The following NDE1 variants were observed in gnomAD, a reference collection of about 807,000 sequenced individuals.
NDE1 encodes the protein nuclear distribution protein nudE homolog 1.
A neutral mutation model predicts 43.4 loss-of-function variants in NDE1; 28 were observed. That is an observed-to-expected ratio of 0.65 (90% CI 0.48 to 0.89). NDE1 has a LOEUF of 0.89. NDE1 is among the 40% of genes least tolerant of loss of function. NDE1 has a pLI of 0.00. For synonymous variants in NDE1, 184 were observed against 172.0 expected (o/e 1.07, Z -0.55); for missense variants, 441 against 434.1 (o/e 1.02, Z -0.14).
At chr16:15,695,914 A>G (rs919151498) in intron 7 of NDE1, 4 of 157,924 alleles carry the variant, frequency 2.5e-5, no homozygotes, top group African/African-American at 9.6e-5. Flanking sequence ...GCAGAGGTTT[A>G]ACAAGGTAAA....
intron 3 of NDE1, 102 bp downstream of exon 3, chr16:15,667,541 C>G: frequency 7.1e-7 from 1 of 1,405,834 alleles, no homozygotes; most frequent in Non-Finnish European, 9.8e-7. Flanking sequence ...GGACTCCAGA[C>G]CCCAGGCCCA....
chr16:15,655,410 G>T (rs2036710756), intron 1 of NDE1, among the ~76,000 whole-genome samples: 1 of 152,210 alleles, frequency 6.6e-6, no homozygotes, highest in African/African-American at 2.4e-5. Context: ...CTGCCAAAGT[G>T]CTGGGATTAC....
intron 5 of NDE1, among the ~76,000 whole-genome samples, chr16:15,689,175 T>G (rs990733805): frequency 1.3e-5 from 2 of 152,154 alleles, no homozygotes; most frequent in Non-Finnish European, 1.5e-5. Context: ...AAATGAACAG[T>G]AGATAGAAAT....
At chr16:15,708,737 G>T (rs1187012610) in intron 8 of NDE1, 31 of 1,514,314 alleles carry the variant, frequency 2.0e-5, no homozygotes, top group Non-Finnish European at 2.6e-5. Flanking sequence ...GGGCAGAGGG[G>T]CGCATTGGGC....
intron 5 of NDE1, among the ~76,000 whole-genome samples, chr16:15,690,350 T>C (rs1567652172): frequency 1.8e-5 from 2 of 109,188 alleles, no homozygotes; most frequent in East Asian, 2.7e-4. Flanking sequence ...TTTTTTTTTT[T>C]TTCTTTTTTT....
chr16:15,675,975 G>A (rs939529068), intron 3 of NDE1, among the ~76,000 whole-genome samples: 2 of 152,094 alleles, frequency 1.3e-5, no homozygotes, highest in African/African-American at 4.8e-5. Flanking sequence ...CAACATAGGT[G>A]GTGTACTTAG....
upstream of NDE1, among the ~76,000 whole-genome samples, chr16:15,645,762 A>G (rs756217247): frequency 1.3e-5 from 2 of 152,242 alleles, no homozygotes; most frequent in South Asian, 2.1e-4. Flanking sequence ...TAGTCTTCAC[A>G]TGTATGAAAA....
chr16:15,708,925 A>G (rs1448914001), intron 8 of NDE1: 1 of 1,325,050 alleles, frequency 7.5e-7, no homozygotes, highest in African/African-American at 1.5e-5. Context: ...TGTTAAAGAC[A>G]TTTGCTTCGA....
chr16:15,688,589 C>T (rs908317596), intron 5 of NDE1, among the ~76,000 whole-genome samples: 2 of 134,124 alleles, frequency 1.5e-5, no homozygotes, highest in African/African-American at 5.7e-5. Context: ...GCCAAAATTA[C>T]ACCATTGCAC....
At chr16:15,655,438 C>T (rs1378552731) in intron 1 of NDE1, among the ~76,000 whole-genome samples, 1 of 152,180 alleles carries the variant, frequency 6.6e-6, no homozygotes, top group East Asian at 1.9e-4. Context: ...AGCCATCGTG[C>T]CCGGCCTCTC....
chr16:15,695,792 G>C (rs892073457), intron 7 of NDE1: 63 of 820,224 alleles, frequency 7.7e-5, no homozygotes, highest in Non-Finnish European at 8.7e-5. Flanking sequence ...CTGCATTTCA[G>C]TATTTAGCCT....
chr16:15,643,940 C>T (rs1374200342), intron 1 of NDE1: 1 of 152,200 alleles, frequency 6.6e-6, no homozygotes, highest in Non-Finnish European at 1.5e-5. Flanking sequence ...TAGTTTCAAA[C>T]ACTTTGTGTT....
chr16:15,719,999 C>A, intron 8 of NDE1: 1 of 1,152,896 alleles, frequency 8.7e-7, no homozygotes, highest in Non-Finnish European at 1.3e-6. Flanking sequence ...AGACAGCCAC[C>A]AAATCCTGAA....
intron 3 of NDE1, among the ~76,000 whole-genome samples, chr16:15,669,564 G>A (rs916410285): frequency 5.3e-5 from 8 of 151,720 alleles, no homozygotes; most frequent in African/African-American, 1.9e-4. Context: ...GTTTCACCAT[G>A]TTTTCCAGGA....
chr16:15,654,724 T>G (rs900638324), intron 1 of NDE1, among the ~76,000 whole-genome samples: 2 of 148,942 alleles, frequency 1.3e-5, no homozygotes, highest in African/African-American at 5.0e-5. Flanking sequence ...AAAGATCCCT[T>G]GAACTTGGAT....
chr16:15,672,304 A>C (rs1190920669), intron 3 of NDE1, among the ~76,000 whole-genome samples: 1 of 151,970 alleles, frequency 6.6e-6, no homozygotes, highest in African/African-American at 2.4e-5. Context: ...ATGGTGGCGC[A>C]CACCTGTAGT....
At chr16:15,689,433 A>T (rs2038616188) in intron 5 of NDE1, among the ~76,000 whole-genome samples, 1 of 152,160 alleles carries the variant, frequency 6.6e-6, no homozygotes, top group African/African-American at 2.4e-5. Context: ...TCAAGGTTAC[A>T]TTGAGCTATG....
chr16:15,694,531 G>A (rs1425611038), intron 7 of NDE1: 1 of 790,902 alleles, frequency 1.3e-6, no homozygotes, highest in African/African-American at 1.9e-5. Context: ...TTTTTTTGTA[G>A]TAATGTGGGT....
chr16:15,694,060 A>G lies in NDE1; in HGVS notation c.704-105A>G. On this transcript the variant is annotated intron_variant, in intron 6 of 8. Coordinates refer to ENST00000396354, the MANE Select transcript of NDE1 (RefSeq NM_017668.3). Reference sequence around the variant, plus strand: ...AGGGTAGCTTTTGGGATCCGAGGAAAGGCGTCAGTGTCCCTCCTGTCCCGT... The same window carrying G: ...AGGGTAGCTTTTGGGATCCGAGGAAGGGCGTCAGTGTCCCTCCTGTCCCGT... 7 of 1,320,868 alleles carry G rather than the reference A, an allele frequency of 5.3e-6. No homozygotes were observed. In the South Asian group the frequency reaches 8.8e-5, roughly 17 times the overall value. 81.8% of individuals were successfully genotyped at this position (1,320,868 alleles called of 1,614,324 possible).
Sources: gnomAD v4.1 joint callset for allele counts (sites outside exome capture counted in the v4.1 genomes callset) on GRCh38, gnomAD v4.1.1 for gene constraint, MANE v1.5 for transcripts, NCBI Gene and HGNC (gene_info 2026-07-23, HGNC 2026-07-21) for gene names.